SCN10A: variants seen among roughly 807,000 people sequenced by gnomAD.
SCN10A encodes sodium voltage-gated channel alpha subunit 10, also known as sodium channel protein type 10 subunit alpha.
In SCN10A, 162 loss-of-function variants were observed where a neutral mutation model predicts 170.7. The ratio of observed to expected loss-of-function variants is 0.95; its 90% CI spans 0.84 to 1.08. The LOEUF is 1.08. Among genes scored for constraint, SCN10A ranks in the 50% least tolerant of loss-of-function variants. The pLI is 0.00. For missense variants in SCN10A, 2,527 were observed against 2,436.9 expected, an observed-to-expected ratio of 1.04 and a Z score of -0.78; for synonymous variants, 985 against 904.6, an observed-to-expected ratio of 1.09 and a Z score of -1.59.
At chr3:38,743,429 C>T (rs151330784) in intron 13 of SCN10A, among the ~76,000 whole-genome samples, 1 of 152,294 alleles carries the variant, frequency 6.6e-6, no homozygotes, top group African/African-American at 2.4e-5. Flanking sequence ...GAAAAAGTCT[C>T]TCTGGACCCC....
chr3:38,742,207 C>T, intron 14 of SCN10A, 84 bp downstream of exon 14: 1 of 909,560 alleles, frequency 1.1e-6, no homozygotes. Context: ...AGGGCATGCC[C>T]CACCCCACCC....
At chr3:38,758,287 A>T (rs2063831665) in intron 8 of SCN10A, among the ~76,000 whole-genome samples, 1 of 152,150 alleles carries the variant, frequency 6.6e-6, no homozygotes, top group South Asian at 2.1e-4. Context: ...TTGCTCTTCC[A>T]AGGGGCTAGG....
intron 5 of SCN10A, among the ~76,000 whole-genome samples, chr3:38,767,988 A>G (rs1223351162): frequency 1.3e-5 from 2 of 152,004 alleles, no homozygotes; most frequent in African/African-American, 4.8e-5. Context: ...ATCATTATAT[A>G]TGTCCCTCTT....
intron 5 of SCN10A, among the ~76,000 whole-genome samples, chr3:38,771,010 T>C (rs1266045590): frequency 6.6e-6 from 1 of 152,254 alleles, no homozygotes; most frequent in Non-Finnish European, 1.5e-5. Context: ...GATGTATGTT[T>C]GGAGGCAGGT....
chr3:38,793,202 T>A (rs2064306608), intron 2 of SCN10A, among the ~76,000 whole-genome samples: 1 of 152,148 alleles, frequency 6.6e-6, no homozygotes, highest in Non-Finnish European at 1.5e-5. Flanking sequence ...ATCAATAGCC[T>A]CTATATTCAC....
intron 1 of SCN10A, among the ~76,000 whole-genome samples, chr3:38,803,566 T>C (rs1458351911): frequency 6.7e-6 from 1 of 148,448 alleles, no homozygotes; most frequent in Non-Finnish European, 1.5e-5. Flanking sequence ...AACCAAACAC[T>C]GCATGTTCTC....
chr3:38,804,868 G>A (rs577659784), intron 1 of SCN10A, among the ~76,000 whole-genome samples: 3 of 152,014 alleles, frequency 2.0e-5, no homozygotes, highest in African/African-American at 7.3e-5. Context: ...ACAAAGATGC[G>A]GTAGCCAAAA....
chr3:38,708,129 C>G (rs1352518572), intron 25 of SCN10A, among the ~76,000 whole-genome samples: 1 of 152,100 alleles, frequency 6.6e-6, no homozygotes, highest in Non-Finnish European at 1.5e-5. Flanking sequence ...GGAAACTGGG[C>G]TGAGATCTGT....
chr3:38,787,691 C>CTT (rs1477999319), intron 4 of SCN10A, among the ~76,000 whole-genome samples: 2 of 152,032 alleles, frequency 1.3e-5, no homozygotes, highest in Non-Finnish European at 2.9e-5. Flanking sequence ...AATTATTATA[C>CTT]TTTAAGTTCT....
At position 38,718,659 on chromosome 3, in the gene SCN10A, A is replaced by C. The variant is rs371834340; in HGVS notation, c.3675T>G (p.Ile1225Met). ...TTCCCACTGAGCCACTCACATTCAC[A>C]ATGAGGAAGTCCAGCCAGCACCAGG... ...TNAWCWLDFL[I>M]VNISLISLTA... Residue 1225 changes from isoleucine to methionine, a missense_variant, in exon 21 of 28, where the codon ATT (isoleucine) becomes ATG (methionine). Ile to Met is a conservative substitution (Grantham distance 10, BLOSUM62 1). Transcript: ENST00000449082. 107 of 1,613,998 alleles carry C rather than the reference A, an allele frequency of 6.6e-5. No homozygotes were observed. The highest frequency in any genetic ancestry group is 8.2e-5 in the Non-Finnish European group (97 of 1,180,006).
At chr3:38,746,050 T>C (rs1301821102) in intron 13 of SCN10A, among the ~76,000 whole-genome samples, 2 of 87,290 alleles carry the variant, frequency 2.3e-5, no homozygotes, top group Non-Finnish European at 4.4e-5. Flanking sequence ...CATATATATA[T>C]GTGTGTGTAT....
At chr3:38,773,961 A>G (rs1316689503) in intron 4 of SCN10A, among the ~76,000 whole-genome samples, 1 of 152,188 alleles carries the variant, frequency 6.6e-6, no homozygotes, top group Non-Finnish European at 1.5e-5. Context: ...AAAAAAAGCT[A>G]AAAGTGGTGG....
At chr3:38,788,075 A>T (rs2064230104) in intron 4 of SCN10A, among the ~76,000 whole-genome samples, 1 of 152,060 alleles carries the variant, frequency 6.6e-6, no homozygotes, top group East Asian at 1.9e-4. Flanking sequence ...CTTTTCTAAG[A>T]ATTTAAAATT....
intron 1 of SCN10A, among the ~76,000 whole-genome samples, chr3:38,812,373 A>G (rs545162744): frequency 2.0e-4 from 31 of 152,300 alleles, no homozygotes; most frequent in African/African-American, 7.2e-4. Context: ...CAATGTTCTT[A>G]TCTCTTCTGC....
In SCN10A at chr3:38,712,422, G is replaced by A. The variant is rs375572917; in HGVS notation, c.3828C>T (p.Gly1276=). ...GMRVVVDALV[G]AIPSIMNVLL... Reference sequence around the variant, plus strand: ...GGACATTCATGATGGATGGGATGGCGCCCACCAGGGCATCCACCACCACCT... The same window carrying A: ...GGACATTCATGATGGATGGGATGGCACCCACCAGGGCATCCACCACCACCT... Residue 1276 remains glycine (G), a synonymous_variant, in exon 23 of 28, where the codon GGC becomes GGT. Transcript: ENST00000449082. 26 of 1,613,782 alleles carry A rather than the reference G, an allele frequency of 1.6e-5. No homozygotes were observed. The highest frequency in any genetic ancestry group is 3.3e-4 in the Middle Eastern group (2 of 6,084).
At chr3:38,713,198 G>A (rs925983865) in intron 22 of SCN10A, among the ~76,000 whole-genome samples, 2 of 152,164 alleles carry the variant, frequency 1.3e-5, no homozygotes, top group Non-Finnish European at 2.9e-5. Flanking sequence ...TGGTGGATAA[G>A]GAAAGGGGTG....
At chr3:38,796,608 G>A (rs144801486) in intron 1 of SCN10A, among the ~76,000 whole-genome samples, 2 of 152,234 alleles carry the variant, frequency 1.3e-5, no homozygotes, top group African/African-American at 4.8e-5. Context: ...CCTTGAATTT[G>A]ACCCATTCTT....
chr3:38,752,154 CT>C, intron 12 of SCN10A, 64 bp downstream of exon 12: 1 of 1,396,498 alleles, frequency 7.2e-7, no homozygotes. Flanking sequence ...GATACTCAGG[CT>C]TCTTGGCTCA....
chr3:38,749,896 A>G (rs898597702), intron 13 of SCN10A, among the ~76,000 whole-genome samples, 177 bp downstream of exon 13: 7 of 152,230 alleles, frequency 4.6e-5, no homozygotes, highest in African/African-American at 1.7e-4. Flanking sequence ...AAAATTATGC[A>G]TCTAAAAAAC....
Sources: gnomAD v4.1 joint callset for allele counts (sites outside exome capture counted in the v4.1 genomes callset) on GRCh38, gnomAD v4.1.1 for gene constraint, MANE v1.5 for transcripts, NCBI Gene and HGNC (gene_info 2026-07-23, HGNC 2026-07-21) for gene names.